NTM: variants seen among roughly 807,000 people sequenced by gnomAD.
The protein encoded by NTM is IgLON family member 2.
In NTM, 13 loss-of-function variants were observed where a neutral mutation model predicts 42.1. That is an observed-to-expected ratio of 0.31 (90% CI 0.20 to 0.49). The LOEUF (loss-of-function observed/expected upper bound fraction) is 0.49, where lower values mean the gene tolerates loss of function less well. Among genes scored for constraint, NTM ranks in the 20% least tolerant of loss-of-function variants. The pLI, the probability that NTM is intolerant of heterozygous loss-of-function variation, is 0.99. For synonymous variants in NTM, 187 were observed against 179.2 expected, an observed-to-expected ratio of 1.04 and a Z score of -0.35; for missense variants, 373 against 452.8, an observed-to-expected ratio of 0.82 and a Z score of 1.60.
intron 1 of NTM, among the ~76,000 whole-genome samples, chr11:131,616,778 GGT>G (rs59890572): frequency 5.0e-4 from 71 of 141,976 alleles, no homozygotes; most frequent in East Asian, 1.0e-3. Context: ...GTCTTGAGGG[GGT>G]GTGTGTGTGT....
chr11:131,789,540 AAGAAGAAAAGAAGAAGAAG>A lies in NTM; in HGVS notation c.83-122022_83-122004del, dbSNP rs2090237289. Among the ~76,000 whole-genome samples, 6 of 27,744 alleles carry A rather than the reference AAGAAGAAAAGAAGAAGAAG, an allele frequency of 2.2e-4. 1 individual carries two copies. The highest frequency in any genetic ancestry group is 3.1e-4 in the Non-Finnish European group (5 of 16,142). 18.2% of individuals were successfully genotyped at this position (27,744 alleles called of 152,430 possible). On this transcript the variant is annotated intron_variant, in intron 1 of 8. Transcript: ENST00000683400. ...GAAGAAGAAGAAGAAGAAGAAGAAG[AAGAAGAAAAGAAGAAGAAG>A]AAGAAGAAGAAGAAGAAGAAGAAGA...
chr11:132,199,499 G>T (rs927577201), intron 3 of NTM, among the ~76,000 whole-genome samples: 6 of 152,160 alleles, frequency 3.9e-5, no homozygotes, highest in Non-Finnish European at 1.5e-5. Flanking sequence ...GAAGATGCTG[G>T]CATAAAACCC....
At chr11:132,225,235 A>G (rs959899728) in intron 4 of NTM, among the ~76,000 whole-genome samples, 3 of 152,120 alleles carry the variant, frequency 2.0e-5, no homozygotes, top group Admixed American at 6.6e-5. Context: ...GGGCTGCAGT[A>G]TGGGAGTGTA....
intron 1 of NTM, among the ~76,000 whole-genome samples, chr11:131,874,492 C>T (rs1327843870): frequency 6.6e-6 from 1 of 152,122 alleles, no homozygotes; most frequent in Non-Finnish European, 1.5e-5. Flanking sequence ...ACATTTTAAA[C>T]CCAGAGTTTA....
intron 1 of NTM, among the ~76,000 whole-genome samples, chr11:131,856,506 C>A (rs1455898408): frequency 6.6e-6 from 1 of 152,136 alleles, no homozygotes; most frequent in African/African-American, 2.4e-5. Flanking sequence ...AGCCACTGAC[C>A]AGCATTCATT....
chr11:132,212,235 C>A (rs534450322), intron 4 of NTM, 88 bp downstream of exon 4: 3 of 1,052,132 alleles, frequency 2.9e-6, no homozygotes, highest in South Asian at 1.5e-5. Context: ...CTGATACCTA[C>A]TCCAGAGGAG....
chr11:131,472,334 A>G (rs1952513415), intron 1 of NTM, among the ~76,000 whole-genome samples: 1 of 152,250 alleles, frequency 6.6e-6, no homozygotes, highest in Non-Finnish European at 1.5e-5. Flanking sequence ...TGGGAAGACC[A>G]GGGACAGAGA....
At chr11:132,270,985 C>T (rs575881386) in intron 4 of NTM, among the ~76,000 whole-genome samples, 10 of 152,060 alleles carry the variant, frequency 6.6e-5, no homozygotes, top group African/African-American at 9.7e-5. Flanking sequence ...TACAACTACC[C>T]GTTTATTGTT....
At chr11:131,533,076 A>C (rs2051540517) in intron 1 of NTM, among the ~76,000 whole-genome samples, 1 of 152,160 alleles carries the variant, frequency 6.6e-6, no homozygotes. Context: ...AAAAATATTT[A>C]AATAATTTTT....
chr11:132,161,589 T>C (rs4329699), intron 3 of NTM, among the ~76,000 whole-genome samples: 87,956 of 151,354 alleles, frequency 0.58, 25,827 homozygotes, highest in East Asian at 0.74. Context: ...GGCTCATGCG[T>C]CCTCCAATTT....
At chr11:131,594,549 C>T (rs1357694868) in intron 1 of NTM, among the ~76,000 whole-genome samples, 4 of 145,614 alleles carry the variant, frequency 2.7e-5, no homozygotes, top group East Asian at 2.1e-4. Context: ...TGCAGACCAC[C>T]GCGCCCAGCT....
chr11:131,676,710 T>G (rs1285188825), intron 1 of NTM, among the ~76,000 whole-genome samples: 1 of 151,876 alleles, frequency 6.6e-6, no homozygotes, highest in African/African-American at 2.4e-5. Context: ...TCGTTGAAAA[T>G]TTTAAACCTT....
At chr11:131,497,043 T>G (rs1255241684) in intron 1 of NTM, among the ~76,000 whole-genome samples, 1 of 152,170 alleles carries the variant, frequency 6.6e-6, no homozygotes, top group African/African-American at 2.4e-5. Flanking sequence ...TGCTTCACAG[T>G]GAGGCTGTTC....
intron 1 of NTM, among the ~76,000 whole-genome samples, chr11:131,405,845 T>C (rs542014546): frequency 6.6e-6 from 1 of 152,180 alleles, no homozygotes; most frequent in Non-Finnish European, 1.5e-5. Flanking sequence ...CTGTCCCTCC[T>C]TCTGGTTCTT....
At chr11:132,042,195 C>T (rs1382729312) in intron 2 of NTM, among the ~76,000 whole-genome samples, 4 of 152,182 alleles carry the variant, frequency 2.6e-5, no homozygotes, top group African/African-American at 9.7e-5. Flanking sequence ...GCATTTGGGT[C>T]AGAATCTAGA....
chr11:132,235,993 G>C (rs867401893), intron 4 of NTM, among the ~76,000 whole-genome samples: 6 of 101,256 alleles, frequency 5.9e-5, no homozygotes, highest in Middle Eastern at 7.4e-3. Flanking sequence ...CACACACACA[G>C]ACACACACAC....
chr11:131,776,849 C>A (rs1207204452), intron 1 of NTM, among the ~76,000 whole-genome samples: 6 of 152,100 alleles, frequency 3.9e-5, no homozygotes, highest in Non-Finnish European at 8.8e-5. Context: ...TCCAGCCAGC[C>A]AAAGAAGGAA....
Position 132,335,131 on chromosome 11 carries a change from G to C in NTM, c.1053G>C (p.Leu351=), listed in dbSNP as rs187818748. The C allele has an allele frequency of 6.8e-6, 11 of 1,612,508 alleles. No homozygotes were observed. Among genetic ancestry groups the C allele is most frequent in the Non-Finnish European group, 9.3e-6 (11 of 1,179,982 alleles). ...VWLLPLLVLH[L]LLKF is the part of the protein sequence containing the mutation. ...TGCTGCCTCTTCTGGTCTTGCACCT[G>C]CTTCTCAAATTTTGATGTGAGTGCC... Residue 351 remains leucine (L), a synonymous_variant, in exon 9 of 9, where the codon CTG becomes CTC. Coordinates refer to ENST00000683400, the MANE Select transcript of NTM (RefSeq NM_001352005.2).
At chr11:131,769,707 G>A in intron 1 of NTM, 1 of 311,896 alleles carries the variant, frequency 3.2e-6, no homozygotes, top group African/African-American at 2.2e-5. Flanking sequence ...CACACAAGGC[G>A]GCACAGCCAG....
Sources: gnomAD v4.1 joint callset for allele counts (sites outside exome capture counted in the v4.1 genomes callset) on GRCh38, gnomAD v4.1.1 for gene constraint, MANE v1.5 for transcripts, NCBI Gene and HGNC (gene_info 2026-07-23, HGNC 2026-07-21) for gene names.